QRFPR: variants seen among roughly 807,000 people sequenced by gnomAD.
QRFPR encodes the protein pyroglutamylated RFamide peptide receptor.
A neutral mutation model predicts 31.3 loss-of-function variants in QRFPR; 37 were observed. The observed-to-expected ratio is 1.18, with a 90% CI of 0.91 to 1.56. The LOEUF (loss-of-function observed/expected upper bound fraction) is 1.56, where lower values mean the gene tolerates loss of function less well. Ranked by LOEUF, QRFPR falls within the 40% of genes most tolerant of loss-of-function variation. QRFPR has a pLI of 0.00. For missense variants in QRFPR, 542 were observed against 532.5 expected (o/e 1.02, Z -0.18); for synonymous variants, 197 against 192.0 (o/e 1.03, Z -0.22).
chr4:121,370,023 A>G, intron 1 of QRFPR: 1 of 771,748 alleles, frequency 1.3e-6, no homozygotes, highest in South Asian at 1.4e-5. Flanking sequence ...TTGTGATCAC[A>G]TAATTCATGA....
intron 1 of QRFPR, among the ~76,000 whole-genome samples, chr4:121,367,967 T>C (rs1433393878): frequency 2.7e-5 from 4 of 149,270 alleles, no homozygotes; most frequent in African/African-American, 1.0e-4. Flanking sequence ...TTAATTCTTA[T>C]AATTTTAGAC....
In QRFPR at chr4:121,380,439, A is replaced by T; in HGVS notation, c.209T>A (p.Val70Glu). 6.2e-7 allele frequency: 1 copy of T among 1,614,202 alleles called. No individual in the cohort carries two copies. The highest frequency in any genetic ancestry group is 1.7e-5 in the Admixed American group (1 of 60,030). Residue 70 changes from valine to glutamate, a missense_variant, in exon 1 of 6, where the codon GTG becomes GAG. Coordinates refer to ENST00000394427, the MANE Select transcript of QRFPR (RefSeq NM_198179.3). ...GGTGCGCATGGCCTTGCTGCGGGTC[A>T]CCACGTAGAACACCAGAGCATTGCC... The part of the protein sequence containing the change: ...LFGNALVFYV[V>E]TRSKAMRTVT...
At chr4:121,364,317 G>A (rs1358571905) in intron 1 of QRFPR, among the ~76,000 whole-genome samples, 1 of 150,146 alleles carries the variant, frequency 6.7e-6, no homozygotes, top group Non-Finnish European at 1.5e-5. Flanking sequence ...AGAGAAAGGG[G>A]TTCTAAGGCA....
chr4:121,362,238 A>G (rs1407055421), intron 1 of QRFPR, among the ~76,000 whole-genome samples: 2 of 150,280 alleles, frequency 1.3e-5, no homozygotes, highest in African/African-American at 4.9e-5. Context: ...ATCTGTCAGT[A>G]ACATCTGTAA....
chr4:121,380,186 GGAGAGAGAGAGAGAGAGAGAGAGAGAGA>G lies in QRFPR; in HGVS notation c.340+94_340+121del, dbSNP rs70950816. 1.5e-4 allele frequency: 36 copies of G among 236,484 alleles called. No individual in the cohort carries two copies. In the African/African-American group the frequency reaches 1.8e-3, roughly 12 times the overall value. The allele number at this position is 236,484 out of a possible 1,614,324, so 14.6% of individuals were successfully genotyped here. A position where few individuals can be genotyped will look rare whatever the true frequency, so the allele number is the denominator to read the frequency against. On this transcript the variant is annotated intron_variant, in intron 1 of 5. Coordinates refer to ENST00000394427, the MANE Select transcript of QRFPR (RefSeq NM_198179.3). Reference sequence around the variant, plus strand: ...GAGAGAGAGACAGACAGACGAGAGAGGAGAGAGAGAGAGAGAGAGAGAGAGAGAGAGAGAGAGAGAGAGAGAGAGAGAG... The same window carrying G: ...GAGAGAGAGACAGACAGACGAGAGAGGAGAGAGAGAGAGAGAGAGAGAGAG...
At position 121,340,514 on chromosome 4, in the gene QRFPR, C is replaced by T. The variant is rs200911686; in HGVS notation, c.437G>A (p.Gly146Glu). Residue 146 changes from glycine (G) to glutamate (E), a missense_variant, in exon 2 of 6, where the codon GGA becomes GAA. By Grantham distance (98) the Gly-to-Glu change is moderately conservative. Transcript: ENST00000394427. The part of the protein sequence containing the change: ...MTCIAVERHQ[G>E]LVHPFKMKWQ... ...CTTCATTTTAAAAGGATGCACAAGT[C>T]CCTGGTGCCTTTCCACAGCAATGCA... is the stretch of plus-strand genomic sequence containing the variant. 1 of 1,614,008 alleles carries T rather than the reference C, an allele frequency of 6.2e-7. No individual in the cohort carries two copies. The highest frequency in any genetic ancestry group is 8.5e-7 in the Non-Finnish European group (1 of 1,179,942).
At chr4:121,371,172 T>C (rs930490111) in intron 1 of QRFPR, among the ~76,000 whole-genome samples, 1 of 152,214 alleles carries the variant, frequency 6.6e-6, no homozygotes, top group Non-Finnish European at 1.5e-5. Flanking sequence ...TCTATTACCC[T>C]GAATAGCCTA....
intron 1 of QRFPR, among the ~76,000 whole-genome samples, chr4:121,370,836 G>A (rs1219495135): frequency 1.3e-5 from 2 of 152,208 alleles, no homozygotes; most frequent in Non-Finnish European, 1.5e-5. Flanking sequence ...AACTAGATAT[G>A]CATTATATGC....
intron 2 of QRFPR, 63 bp from the exon 3 acceptor site, chr4:121,336,931 T>C: frequency 1.4e-6 from 2 of 1,388,996 alleles, no homozygotes; most frequent in Non-Finnish European, 2.1e-6. Flanking sequence ...CATGCATAAT[T>C]ATCTAACCCT....
intron 1 of QRFPR, among the ~76,000 whole-genome samples, chr4:121,372,515 C>A (rs1726267997): frequency 6.6e-6 from 1 of 152,174 alleles, no homozygotes; most frequent in African/African-American, 2.4e-5. Flanking sequence ...ATGAACACCA[C>A]TATCTGTTTC....
chr4:121,367,989 T>C (rs1726159180), intron 1 of QRFPR, among the ~76,000 whole-genome samples: 1 of 149,184 alleles, frequency 6.7e-6, no homozygotes, highest in Admixed American at 6.7e-5. Context: ...CCAGGGCCTC[T>C]CTATGGAAAG....
chr4:121,336,977 C>A, intron 2 of QRFPR, 109 bp from the exon 3 acceptor site: 1 of 981,634 alleles, frequency 1.0e-6, no homozygotes, highest in Non-Finnish European at 1.6e-6. Context: ...GTTCTCTGCC[C>A]TAGGGCAGTG....
intron 2 of QRFPR, among the ~76,000 whole-genome samples, chr4:121,339,461 G>A (rs1311289396): frequency 1.3e-5 from 2 of 152,162 alleles, no homozygotes; most frequent in East Asian, 1.9e-4. Context: ...GCAAGCTGAC[G>A]ATCCAGAAAT....
chr4:121,363,524 A>G (rs982657007), intron 1 of QRFPR, among the ~76,000 whole-genome samples: 3 of 149,902 alleles, frequency 2.0e-5, no homozygotes. Context: ...CCCTTTTCCA[A>G]TTGAACCATA....
intron 1 of QRFPR, among the ~76,000 whole-genome samples, chr4:121,344,992 T>C (rs11942481): frequency 0.35 from 53,461 of 152,070 alleles, 9,684 homozygotes; most frequent in Middle Eastern, 0.47. Context: ...CCTTACAGGA[T>C]AATTAGATGT....
At chr4:121,353,451 T>C (rs1361746682) in intron 1 of QRFPR, among the ~76,000 whole-genome samples, 1 of 152,068 alleles carries the variant, frequency 6.6e-6, no homozygotes, top group Non-Finnish European at 1.5e-5. Flanking sequence ...TTTTCATTTG[T>C]GGTTCTCCAA....
At chr4:121,348,359 A>G (rs1416031795) in intron 1 of QRFPR, among the ~76,000 whole-genome samples, 1 of 152,138 alleles carries the variant, frequency 6.6e-6, no homozygotes, top group Non-Finnish European at 1.5e-5. Context: ...TTACTATTAC[A>G]TATCAACTTT....
intron 1 of QRFPR, among the ~76,000 whole-genome samples, chr4:121,359,657 GTA>G (rs368381339): frequency 0.33 from 49,538 of 150,328 alleles, 8,678 homozygotes; most frequent in Middle Eastern, 0.47. Context: ...ATATATATGT[GTA>G]TATATATATA....
chr4:121,361,403 G>C (rs147236036), intron 1 of QRFPR, among the ~76,000 whole-genome samples: 11 of 150,158 alleles, frequency 7.3e-5, no homozygotes, highest in Non-Finnish European at 1.6e-4. Flanking sequence ...TGATATTATA[G>C]ATAATCAGAG....
Sources: allele counts gnomAD v4.1 joint callset (sites outside exome capture counted in the v4.1 genomes callset), GRCh38; gene constraint gnomAD v4.1.1; transcripts MANE v1.5; gene names NCBI Gene and HGNC (gene_info 2026-07-23, HGNC 2026-07-21).